RASGEF1C: variants seen among roughly 807,000 people sequenced by gnomAD.
RASGEF1C encodes the protein ras-GEF domain-containing family member 1C.
Under a neutral mutation model 58.1 loss-of-function variants are expected in RASGEF1C, and 27 were observed. The observed-to-expected ratio is 0.46, with a 90% CI of 0.34 to 0.64. RASGEF1C has a LOEUF of 0.64. Ranked by LOEUF, RASGEF1C falls within the 30% of genes least tolerant of loss-of-function variation. RASGEF1C has a pLI of 0.01. For synonymous variants in RASGEF1C, 243 were observed against 246.3 expected, an observed-to-expected ratio of 0.99 and a Z score of 0.13; for missense variants, 502 against 605.1, an observed-to-expected ratio of 0.83 and a Z score of 1.79.
intron 4 of RASGEF1C, among the ~76,000 whole-genome samples, chr5:180,129,125 C>A (rs1244786772): frequency 6.6e-6 from 1 of 152,200 alleles, no homozygotes; most frequent in Non-Finnish European, 1.5e-5. Context: ...AGGGCCAGGG[C>A]CCACGGGGGA....
intron 1 of RASGEF1C, among the ~76,000 whole-genome samples, chr5:180,142,391 G>A (rs937367983): frequency 9.2e-5 from 14 of 152,132 alleles, no homozygotes; most frequent in Non-Finnish European, 1.8e-4. Flanking sequence ...CCCTTTAATT[G>A]TACCAAGATT....
intron 1 of RASGEF1C, among the ~76,000 whole-genome samples, chr5:180,190,134 C>T (rs1352370889): frequency 4.6e-5 from 7 of 151,796 alleles, no homozygotes; most frequent in African/African-American, 7.3e-5. Flanking sequence ...ATAGGAGGAT[C>T]GTTTGAGGCC....
rs1194684342 is a variant in RASGEF1C at position 180,102,108 on chromosome 5, C to T, written c.1339G>A (p.Glu447Lys). ...YLASYESESP[E>K]NQTEKERWKA... ...CATCTTTCTTTTTCTGTTTGGTTCT[C>T]TGGGCTCTCACTTTCGTAAGAAGCC... is the stretch of plus-strand genomic sequence containing the variant. Residue 447 changes from glutamate (E) to lysine (K), a missense_variant, in exon 13 of 14, where the codon GAG becomes AAG. Glu to Lys is a moderately conservative substitution (Grantham distance 56). Transcript: ENST00000361132. 3 of 1,605,230 alleles carry T rather than the reference C, an allele frequency of 1.9e-6. No homozygotes were observed. The Admixed American group carries it at 5.0e-5, about 27-fold the overall frequency.
In RASGEF1C at chr5:180,168,197, G is replaced by C. The variant is rs1767049732; in HGVS notation, c.-6-30139C>G. ...TGTAATCCCAGCACTTTGGGAGGCT[G>C]AGGTGGGCAGATCACCTGAGGTCAG... On this transcript the variant is annotated intron_variant, in intron 1 of 13. Coordinates refer to ENST00000361132, the MANE Select transcript of RASGEF1C (RefSeq NM_175062.4). The surrounding 1 kb of genome is among the most constrained non-coding windows in gnomAD (Gnocchi z 6.0). 6.6e-6 allele frequency among the ~76,000 whole-genome samples: 1 copy of C among 152,176 alleles called. No individual in the cohort carries two copies. The highest frequency in any genetic ancestry group is 2.4e-5 in the African/African-American group (1 of 41,438).
intron 12 of RASGEF1C, among the ~76,000 whole-genome samples, chr5:180,103,250 T>A (rs1467055098): frequency 6.6e-6 from 1 of 152,158 alleles, no homozygotes; most frequent in East Asian, 1.9e-4. Context: ...GCTAATGTTT[T>A]GTATTTTTAG....
chr5:180,174,589 T>C (rs1298558770), intron 1 of RASGEF1C, among the ~76,000 whole-genome samples: 1 of 49,678 alleles, frequency 2.0e-5, no homozygotes, highest in African/African-American at 1.0e-4. Flanking sequence ...TGTGCGCACG[T>C]GTGTGTGTGT....
chr5:180,137,071 G>A lies in RASGEF1C; in HGVS notation c.300+519C>T, dbSNP rs1766493998. Among the ~76,000 whole-genome samples, 1 of 152,220 alleles carries A rather than the reference G, an allele frequency of 6.6e-6. No homozygotes were observed. The highest frequency in any genetic ancestry group is 2.4e-5 in the African/African-American group (1 of 41,466). On this transcript the variant is annotated intron_variant, in intron 3 of 13. Transcript: ENST00000361132. The surrounding 1 kb of genome is among the most constrained non-coding windows in gnomAD (Gnocchi z 4.1). ...GGGAAGCGGCAGCAGAGGGCGGGAG[G>A]GAGACAGGCCACGGTGCAGTGCTGT...
intron 12 of RASGEF1C, among the ~76,000 whole-genome samples, chr5:180,103,357 G>A (rs146245298): frequency 0.011 from 1,609 of 152,318 alleles, 19 homozygotes; most frequent in Middle Eastern, 0.02. Flanking sequence ...GATTACAGGC[G>A]TGAGCCACCG....
Position 180,177,977 on chromosome 5 carries a change from T to C in RASGEF1C, c.-7+31051A>G, listed in dbSNP as rs903729781. Reference sequence around the variant, plus strand: ...AGCCCACCTTGGGCTTTTTTTTTTTTTCTTTTTGAGGTGGAGTCTCGCTCT... The same window carrying C: ...AGCCCACCTTGGGCTTTTTTTTTTTCTCTTTTTGAGGTGGAGTCTCGCTCT... On this transcript the variant is annotated intron_variant, in intron 1 of 13. Coordinates refer to ENST00000361132, the MANE Select transcript of RASGEF1C (RefSeq NM_175062.4). The surrounding 1 kb of genome is among the most constrained non-coding windows in gnomAD (Gnocchi z 5.0). Among the ~76,000 whole-genome samples the C allele has an allele frequency of 1.3e-5, 2 of 151,722 alleles. No homozygotes were observed. Among genetic ancestry groups the C allele is most frequent in the Admixed American group, 1.3e-4 (2 of 15,232 alleles).
intron 1 of RASGEF1C, among the ~76,000 whole-genome samples, chr5:180,180,643 G>A (rs1443221220): frequency 1.3e-5 from 2 of 152,234 alleles, no homozygotes; most frequent in African/African-American, 4.8e-5. Context: ...CCTGCCCAAG[G>A]AACGGCCAAA....
chr5:180,183,057 T>G (rs537170751), intron 1 of RASGEF1C, among the ~76,000 whole-genome samples: 1 of 152,176 alleles, frequency 6.6e-6, no homozygotes, highest in Non-Finnish European at 1.5e-5. Flanking sequence ...GACTTTGAGA[T>G]CATCAAAAGG....
chr5:180,124,698 C>T (rs994580616), intron 6 of RASGEF1C, among the ~76,000 whole-genome samples: 2 of 151,954 alleles, frequency 1.3e-5, no homozygotes, highest in Non-Finnish European at 2.9e-5. Flanking sequence ...GTGGTGGGCA[C>T]CTGTAATCCT....
chr5:180,112,582 A>C (rs1361324607), intron 11 of RASGEF1C, among the ~76,000 whole-genome samples: 2 of 152,020 alleles, frequency 1.3e-5, no homozygotes, highest in African/African-American at 4.8e-5. Context: ...GGGGCCTCGC[A>C]CCCACTGTGT....
rs201193566 is a variant in RASGEF1C at position 180,202,863 on chromosome 5, G to A, written c.-7+6165C>T. Among the ~76,000 whole-genome samples the A allele has an allele frequency of 3.8e-3, 579 of 151,660 alleles. 2 individuals carry two copies. The highest frequency in any genetic ancestry group is 9.1e-3 in the East Asian group (47 of 5,154). Reference sequence around the variant, plus strand: ...GATTACAGGTGCCCGCCACCACGCCGGGCTAATTTTTTGTATTTTTAGTAG... The same window carrying A: ...GATTACAGGTGCCCGCCACCACGCCAGGCTAATTTTTTGTATTTTTAGTAG... On this transcript the variant is annotated intron_variant, in intron 1 of 13. Coordinates refer to ENST00000361132, the MANE Select transcript of RASGEF1C (RefSeq NM_175062.4).
At chr5:180,103,239 G>T (rs547454063) in intron 12 of RASGEF1C, among the ~76,000 whole-genome samples, 1 of 152,206 alleles carries the variant, frequency 6.6e-6, no homozygotes, top group South Asian at 2.1e-4. Flanking sequence ...CACCACGCCC[G>T]GCTAATGTTT....
intron 1 of RASGEF1C, 79 bp from the exon 2 acceptor site, chr5:180,138,137 C>T (rs1766518476): frequency 4.8e-6 from 4 of 830,546 alleles, no homozygotes; most frequent in Admixed American, 3.1e-5. Flanking sequence ...CTGCTGGTCC[C>T]GGGGCTCCTG....
intron 7 of RASGEF1C, 72 bp downstream of exon 7, chr5:180,120,988 C>T: frequency 9.5e-7 from 1 of 1,052,014 alleles, no homozygotes; most frequent in Non-Finnish European, 1.5e-6. Flanking sequence ...CGGTTCCTTC[C>T]CCCGTGGGCT....
At chr5:180,111,883 GACTT>G (rs1342460846) in intron 11 of RASGEF1C, among the ~76,000 whole-genome samples, 1 of 152,178 alleles carries the variant, frequency 6.6e-6, no homozygotes, top group Non-Finnish European at 1.5e-5. Context: ...ATTTAAGTAA[GACTT>G]AAGTAATTCA....
At chr5:180,117,631 T>C (rs1437655483) in intron 10 of RASGEF1C, among the ~76,000 whole-genome samples, 1 of 152,098 alleles carries the variant, frequency 6.6e-6, no homozygotes, top group African/African-American at 2.4e-5. Flanking sequence ...CCACATGCCA[T>C]GAGTAGAATT....
Sources: gnomAD v4.1 joint callset for allele counts (sites outside exome capture counted in the v4.1 genomes callset) on GRCh38, gnomAD v4.1.1 for gene constraint, Gnocchi (gnomAD v3.1) non-coding constraint, MANE v1.5 for transcripts, NCBI Gene and HGNC (gene_info 2026-07-23, HGNC 2026-07-21) for gene names.